The following WDR37 variants were observed in gnomAD, a reference collection of about 807,000 sequenced individuals.
WDR37 encodes WD repeat-containing protein 37.
In WDR37, 19 loss-of-function variants were observed where a neutral mutation model predicts 62.9. The observed-to-expected ratio is 0.30, with a 90% CI of 0.21 to 0.44. The LOEUF (loss-of-function observed/expected upper bound fraction) is 0.44, where lower values mean the gene tolerates loss of function less well. WDR37 is among the 20% of genes least tolerant of loss of function. The probability of loss-of-function intolerance (pLI) is 1.00; values close to 1 mark genes in which losing one functional copy is unlikely to be tolerated. For missense variants in WDR37, 474 were observed against 657.6 expected, an observed-to-expected ratio of 0.72 and a Z score of 3.05; for synonymous variants, 250 against 260.9, an observed-to-expected ratio of 0.96 and a Z score of 0.40.
chr10:1,100,980 C>T (rs746067380), intron 9 of WDR37, among the ~76,000 whole-genome samples: 2 of 152,244 alleles, frequency 1.3e-5, no homozygotes, highest in Non-Finnish European at 2.9e-5. Flanking sequence ...TTGTGCCACC[C>T]GTCTCAGGAA....
chr10:1,119,668 A>C (rs1222138833), intron 11 of WDR37, among the ~76,000 whole-genome samples: 1 of 152,092 alleles, frequency 6.6e-6, no homozygotes, highest in Non-Finnish European at 1.5e-5. Flanking sequence ...TGACCTTATA[A>C]TATTATAAGT....
chr10:1,101,331 G>T (rs541260784), intron 9 of WDR37, among the ~76,000 whole-genome samples: 1 of 152,174 alleles, frequency 6.6e-6, no homozygotes, highest in South Asian at 2.1e-4. Context: ...CTCCTGAGGC[G>T]TCTTTCCATG....
In WDR37 at chr10:1,072,258, AG is replaced by A; in HGVS notation, c.105del (p.Thr36ArgfsTer8). 1 of 1,614,196 alleles carries A rather than the reference AG, an allele frequency of 6.2e-7. No homozygotes were observed. The highest frequency in any genetic ancestry group is 8.5e-7 in the Non-Finnish European group (1 of 1,180,018). On this transcript the variant is annotated frameshift_variant, in exon 2 of 14. Coordinates refer to ENST00000263150, the MANE Select transcript of WDR37 (RefSeq NM_014023.4). LOFTEE classifies it high-confidence loss of function. ...IRRTNSSEQE[R>X]TGLPRDMLEG... The stretch of plus-strand genomic sequence containing the variant: ...AAGAACTAACAGCTCGGAGCAGGAG[AG>A]GACGGGACTGCCAAGAGACATGTTA...
chr10:1,065,496 T>G (rs1247889143), intron 1 of WDR37, among the ~76,000 whole-genome samples: 4 of 151,838 alleles, frequency 2.6e-5, no homozygotes, highest in Non-Finnish European at 5.9e-5. Flanking sequence ...AGAGAATGAA[T>G]GATACACCAT....
intron 1 of WDR37, among the ~76,000 whole-genome samples, chr10:1,058,804 C>T (rs1346827243): frequency 6.6e-6 from 1 of 152,200 alleles, no homozygotes; most frequent in African/African-American, 2.4e-5. Context: ...ATTCGTCTAA[C>T]AGTGTTATTA....
intron 1 of WDR37, among the ~76,000 whole-genome samples, chr10:1,068,337 C>T (rs1327652598): frequency 1.3e-5 from 1 of 78,496 alleles, no homozygotes; most frequent in Non-Finnish European, 2.5e-5. Flanking sequence ...AAAAATTAGC[C>T]GGGCGTGGTG....
chr10:1,063,686 C>A (rs1185845430), intron 1 of WDR37, among the ~76,000 whole-genome samples: 1 of 152,200 alleles, frequency 6.6e-6, no homozygotes, highest in African/African-American at 2.4e-5. Flanking sequence ...GCCCTGTGGT[C>A]ATGAGGCCAC....
chr10:1,115,914 A>G (rs1350421866), intron 11 of WDR37, among the ~76,000 whole-genome samples: 1 of 152,128 alleles, frequency 6.6e-6, no homozygotes, highest in Non-Finnish European at 1.5e-5. Flanking sequence ...TTGGAAGCAC[A>G]CCTGTGTCTC....
intron 11 of WDR37, among the ~76,000 whole-genome samples, chr10:1,122,555 C>T (rs747551033): frequency 4.6e-5 from 7 of 152,360 alleles, no homozygotes; most frequent in Non-Finnish European, 7.3e-5. Context: ...CCAGGCAGGA[C>T]GCGCAGCCCC....
intron 4 of WDR37, 140 bp from the exon 5 acceptor site, chr10:1,080,272 C>A (rs1833989618): frequency 1.6e-6 from 2 of 1,263,890 alleles, no homozygotes; most frequent in Non-Finnish European, 1.1e-6. Flanking sequence ...TGTTCCTGTT[C>A]TGCCATGGCT....
intron 11 of WDR37, among the ~76,000 whole-genome samples, chr10:1,119,485 A>G (rs74117849): frequency 0.079 from 11,992 of 152,260 alleles, 498 homozygotes; most frequent in East Asian, 0.1. Context: ...GGTTCTTACT[A>G]ATTCAGTTAG....
At chr10:1,124,469 G>A (rs763216355) in intron 12 of WDR37, 117 bp downstream of exon 12, 6 of 1,421,094 alleles carry the variant, frequency 4.2e-6, no homozygotes, top group Non-Finnish European at 5.8e-6. Flanking sequence ...AATGGTTTAG[G>A]CTCCTTTGTC....
At chr10:1,093,389 A>C (rs1157676184) in intron 7 of WDR37, 63 bp from the exon 8 acceptor site, 1 of 1,328,426 alleles carries the variant, frequency 7.5e-7, no homozygotes, top group African/African-American at 1.5e-5. Flanking sequence ...GCTATAGCTA[A>C]TAAATGTTGA....
intron 7 of WDR37, among the ~76,000 whole-genome samples, chr10:1,092,638 G>A (rs1226125710): frequency 6.6e-6 from 1 of 151,452 alleles, no homozygotes; most frequent in Admixed American, 6.6e-5. Flanking sequence ...TATTACAGGC[G>A]TGAGCCAGTG....
At chr10:1,085,053 C>T (rs900090238) in intron 6 of WDR37, among the ~76,000 whole-genome samples, 5 of 152,246 alleles carry the variant, frequency 3.3e-5, no homozygotes, top group African/African-American at 1.2e-4. Context: ...CCTCTGCCAC[C>T]TCCTGCGTTC....
chr10:1,069,987 C>T (rs1589079429), intron 1 of WDR37, among the ~76,000 whole-genome samples: 2 of 152,032 alleles, frequency 1.3e-5, no homozygotes, highest in South Asian at 4.2e-4. Context: ...GGGTGGATCA[C>T]CTGAGGTCAG....
At chr10:1,072,427 G>GGA in intron 2 of WDR37, 134 bp downstream of exon 2, 7 of 1,237,456 alleles carry the variant, frequency 5.7e-6, no homozygotes, top group Non-Finnish European at 7.9e-6. Context: ...TGATTCTCCT[G>GGA]CCTCAGCCTA....
At chr10:1,119,153 C>T (rs995359156) in intron 11 of WDR37, among the ~76,000 whole-genome samples, 5 of 152,212 alleles carry the variant, frequency 3.3e-5, no homozygotes, top group Middle Eastern at 3.2e-3. Flanking sequence ...CAGGCTCCTG[C>T]AGATGCAGTG....
At chr10:1,060,380 G>A (rs369751503) in intron 1 of WDR37, among the ~76,000 whole-genome samples, 4 of 152,132 alleles carry the variant, frequency 2.6e-5, no homozygotes, top group East Asian at 3.8e-4. Flanking sequence ...CAGAAGGAGC[G>A]TTTATTCTGT....
Sources: allele counts gnomAD v4.1 joint callset (sites outside exome capture counted in the v4.1 genomes callset), GRCh38; gene constraint gnomAD v4.1.1; transcripts MANE v1.5; gene names NCBI Gene and HGNC (gene_info 2026-07-23, HGNC 2026-07-21).